CDK6: variants seen among roughly 807,000 people sequenced by gnomAD.
CDK6 encodes cyclin-dependent kinase 6.
Under a neutral mutation model 37.1 loss-of-function variants are expected in CDK6, and 6 were observed. That is an observed-to-expected ratio of 0.16 (90% CI 0.09 to 0.32). The LOEUF is 0.32. CDK6 is among the 10% of genes least tolerant of loss of function. CDK6 has a pLI of 1.00. For synonymous variants in CDK6, 160 were observed against 161.3 expected (o/e 0.99, Z 0.06); for missense variants, 224 against 418.9 (o/e 0.53, Z 4.06).
chr7:92,657,237 G>A (rs1350565989), intron 5 of CDK6, among the ~76,000 whole-genome samples: 2 of 152,166 alleles, frequency 1.3e-5, no homozygotes, highest in Non-Finnish European at 2.9e-5. Flanking sequence ...ATGTGACCAG[G>A]TAGACCTGAG....
At chr7:92,764,045 T>C (rs1432961059) in intron 3 of CDK6, among the ~76,000 whole-genome samples, 1 of 152,050 alleles carries the variant, frequency 6.6e-6, no homozygotes, top group Non-Finnish European at 1.5e-5. Context: ...GCAAAATCTG[T>C]TGGGTTTAAA....
chr7:92,640,204 G>A (rs990793244), intron 5 of CDK6, among the ~76,000 whole-genome samples: 6 of 152,104 alleles, frequency 3.9e-5, no homozygotes, highest in African/African-American at 7.2e-5. Flanking sequence ...CTTTGGCAAC[G>A]GCACTGGAAA....
chr7:92,686,066 G>A (rs1797444271), intron 4 of CDK6, among the ~76,000 whole-genome samples: 1 of 152,138 alleles, frequency 6.6e-6, no homozygotes, highest in African/African-American at 2.4e-5. Flanking sequence ...AACTAAATTT[G>A]TTGGAATCAC....
At position 92,705,732 on chromosome 7, in the gene CDK6, G is replaced by A. The variant is rs534056982; in HGVS notation, c.537+19894C>T. 3.3e-5 allele frequency among the ~76,000 whole-genome samples: 5 copies of A among 152,230 alleles called. No individual in the cohort carries two copies. The South Asian group carries it at 1.0e-3, about 32-fold the overall frequency. The stretch of plus-strand genomic sequence containing the variant: ...CGTTTTCTTTGGAGATGGTACTGTG[G>A]CTTAACTGAATCCTGAATTGGGCAC... On this transcript the variant is annotated intron_variant, in intron 4 of 7. Transcript: ENST00000424848.
At chr7:92,674,917 C>T (rs1022967972) in intron 4 of CDK6, among the ~76,000 whole-genome samples, 6 of 152,296 alleles carry the variant, frequency 3.9e-5, no homozygotes, top group Non-Finnish European at 7.4e-5. Flanking sequence ...CTGCAATGTC[C>T]ACCTTCCAGG....
At chr7:92,767,370 A>G (rs1278014678) in intron 3 of CDK6, among the ~76,000 whole-genome samples, 1 of 152,204 alleles carries the variant, frequency 6.6e-6, no homozygotes, top group African/African-American at 2.4e-5. Flanking sequence ...TGAAAGCACA[A>G]TATGTATGTT....
chr7:92,718,768 A>G (rs942543182), intron 4 of CDK6, among the ~76,000 whole-genome samples: 2 of 152,198 alleles, frequency 1.3e-5, no homozygotes, highest in African/African-American at 4.8e-5. Flanking sequence ...GCCTTATCAT[A>G]TGGCCTCATA....
chr7:92,652,235 T>C (rs1205376341), intron 5 of CDK6, among the ~76,000 whole-genome samples: 1 of 152,086 alleles, frequency 6.6e-6, no homozygotes, highest in African/African-American at 2.4e-5. Flanking sequence ...CACCTGAGAG[T>C]TTAACCCTAT....
At chr7:92,810,891 C>T (rs550394914) in intron 2 of CDK6, among the ~76,000 whole-genome samples, 14 of 151,992 alleles carry the variant, frequency 9.2e-5, no homozygotes, top group Non-Finnish European at 1.5e-4. Context: ...GCCAACATGG[C>T]GAAACCCCAT....
intron 3 of CDK6, among the ~76,000 whole-genome samples, chr7:92,761,783 G>T (rs1490563989): frequency 6.6e-6 from 1 of 152,218 alleles, no homozygotes; most frequent in African/African-American, 2.4e-5. Context: ...AAACAAAAAA[G>T]AAGTCCTTTC....
intron 5 of CDK6, among the ~76,000 whole-genome samples, chr7:92,641,303 T>C (rs1203176045): frequency 1.3e-5 from 2 of 152,208 alleles, no homozygotes; most frequent in Non-Finnish European, 2.9e-5. Flanking sequence ...TTATTGATTG[T>C]CAGTCTACTG....
chr7:92,769,140 T>C (rs985571413), intron 3 of CDK6, among the ~76,000 whole-genome samples: 1 of 152,210 alleles, frequency 6.6e-6, no homozygotes, highest in African/African-American at 2.4e-5. Context: ...TGTCAGTTTC[T>C]GAAGTCTGGG....
rs564306938 is a variant in CDK6, at chr7:92,716,784, G to A, written c.537+8842C>T. On this transcript the variant is annotated intron_variant, in intron 4 of 7. Coordinates refer to ENST00000424848, the MANE Select transcript of CDK6 (RefSeq NM_001145306.2). ...CTATGAGTATGAATATAACACTTGC[G>A]TTGAGTTAAGCAAATTTAGGGGAGA... 1.7e-4 allele frequency among the ~76,000 whole-genome samples: 26 copies of A among 152,210 alleles called. No individual in the cohort carries two copies. The South Asian group carries it at 2.1e-3, about 12-fold the overall frequency.
At chr7:92,761,206 T>C (rs753647264) in intron 3 of CDK6, among the ~76,000 whole-genome samples, 2 of 152,132 alleles carry the variant, frequency 1.3e-5, no homozygotes, top group Non-Finnish European at 1.5e-5. Flanking sequence ...TTTTCTACTG[T>C]TTCGCACTTA....
rs1801549334 is a variant in CDK6 at position 92,833,431 on chromosome 7, A to C, written c.-108T>G. ...TCCGGGGCTCCCCGGAGATCGGTCT[A>C]GCTTTACTTGCTCCCCGCCGGCTCA... On this transcript the variant is annotated 5_prime_UTR_variant, in exon 2 of 8. Transcript: ENST00000424848. This position sits in a 1 kb window ranked among gnomAD's most constrained non-coding sequence, Gnocchi z 6.1. The C allele has an allele frequency of 5.4e-6, 4 of 746,986 alleles. No individual in the cohort carries two copies. Among genetic ancestry groups the C allele is most frequent in the Non-Finnish European group, 8.3e-6 (4 of 483,310 alleles). The allele number at this position is 746,986 out of a possible 1,614,324, so 46.3% of individuals were successfully genotyped here. A position where few individuals can be genotyped will look rare whatever the true frequency, so the allele number is the denominator to read the frequency against.
At chr7:92,692,321 G>T (rs1421573631) in intron 4 of CDK6, among the ~76,000 whole-genome samples, 1 of 152,056 alleles carries the variant, frequency 6.6e-6, no homozygotes, top group Non-Finnish European at 1.5e-5. Context: ...AGCAAAATCT[G>T]ACTGATTGGC....
intron 4 of CDK6, among the ~76,000 whole-genome samples, chr7:92,675,185 A>G (rs934580144): frequency 1.3e-5 from 2 of 152,186 alleles, no homozygotes; most frequent in Admixed American, 6.5e-5. Context: ...AGTAAGGCTG[A>G]CTGTCTTCAT....
In CDK6 at chr7:92,828,999, C is replaced by G. The variant is rs545192816; in HGVS notation, c.233+4092G>C. On this transcript the variant is annotated intron_variant, in intron 2 of 7. Coordinates refer to ENST00000424848, the MANE Select transcript of CDK6 (RefSeq NM_001145306.2). The stretch of plus-strand genomic sequence containing the variant: ...TTTCCTGCTTTTATTGAAAAAAGCC[C>G]TAGTAAATGTATTATTCAACCACAC... Among the ~76,000 whole-genome samples, 11 of 152,144 alleles carry G rather than the reference C, an allele frequency of 7.2e-5. No homozygotes were observed. The East Asian group carries it at 1.2e-3, about 16-fold the overall frequency.
At chr7:92,782,829 A>C (rs1481813729) in intron 2 of CDK6, among the ~76,000 whole-genome samples, 3 of 152,344 alleles carry the variant, frequency 2.0e-5, no homozygotes, top group African/African-American at 7.2e-5. Context: ...ACATCTATAA[A>C]TATTTTGAAA....
Sources: allele counts gnomAD v4.1 joint callset (sites outside exome capture counted in the v4.1 genomes callset), GRCh38; gene constraint gnomAD v4.1.1; non-coding constraint Gnocchi (gnomAD v3.1); transcripts MANE v1.5; gene names NCBI Gene and HGNC (gene_info 2026-07-23, HGNC 2026-07-21).